Variants in STEAP1 observed in about 807,000 individuals in gnomAD.
STEAP1 encodes STEAP1 protein.
A neutral mutation model predicts 34.4 loss-of-function variants in STEAP1; 30 were observed. That is an observed-to-expected ratio of 0.87 (90% confidence interval 0.65 to 1.18). The LOEUF (loss-of-function observed/expected upper bound fraction) is 1.18, where lower values mean the gene tolerates loss of function less well. Among genes scored for constraint, STEAP1 ranks in the 50% most tolerant of loss-of-function variants. The pLI, the probability that STEAP1 is intolerant of heterozygous loss-of-function variation, is 0.00. For synonymous variants in STEAP1, 116 were observed against 135.3 expected (o/e 0.86, Z 0.99); for missense variants, 318 against 391.1 (o/e 0.81, Z 1.58).
At chr7:90,159,921 C>A in intron 2 of STEAP1, 49 bp downstream of exon 2, 1 of 1,277,914 alleles carries the variant, frequency 7.8e-7, no homozygotes, top group Non-Finnish European at 1.0e-6. Context: ...CATCTTTAAA[C>A]ATAATTCAGA....
intron 4 of STEAP1, chr7:90,162,995 G>A (rs1471792962): frequency 1.7e-5 from 7 of 414,042 alleles, no homozygotes; most frequent in African/African-American, 1.2e-4. Flanking sequence ...GAAGAGTGAT[G>A]TGCCAGAATC....
chr7:90,156,952 C>G (rs1794125931), intron 1 of STEAP1, among the ~76,000 whole-genome samples: 1 of 152,030 alleles, frequency 6.6e-6, no homozygotes, highest in South Asian at 2.1e-4. Context: ...TATAGCAGTG[C>G]GAGAACAGCG....
rs188756666 is a variant in STEAP1 at position 90,160,781 on chromosome 7, A to G, written c.85-24A>G. On this transcript the variant is annotated intron_variant, in intron 2 of 4. Coordinates refer to ENST00000297205, the MANE Select transcript of STEAP1 (RefSeq NM_012449.3). ...TCCCATTGTTTTGTTCAATTTTAAG[A>G]TGTTAATTTTCTTTCCTTTGTAGCA... 1.1e-3 allele frequency: 1,732 copies of G among 1,597,378 alleles called. 10 individuals are homozygous for G. The Admixed American group carries it at 0.016, about 15-fold the overall frequency.
chr7:90,162,299 G>GTTTT (rs753176067), intron 4 of STEAP1: 13 of 525,504 alleles, frequency 2.5e-5, no homozygotes, highest in Non-Finnish European at 2.7e-5. Context: ...AATATTCTTT[G>GTTTT]TTTTTTTTTT....
chr7:90,158,015 C>T (rs908480698), intron 1 of STEAP1, among the ~76,000 whole-genome samples: 4 of 152,206 alleles, frequency 2.6e-5, no homozygotes, highest in Non-Finnish European at 4.4e-5. Context: ...GTGCTGAATA[C>T]TGTGGGCAGT....
At chr7:90,162,849 G>T in intron 4 of STEAP1, 1 of 215,640 alleles carries the variant, frequency 4.6e-6, no homozygotes. Context: ...AGATATTCTA[G>T]TGTCTCATTT....
chr7:90,154,671 G>A (rs1430482207), intron 1 of STEAP1, 128 bp downstream of exon 1: 1 of 152,428 alleles, frequency 6.6e-6, no homozygotes, highest in Non-Finnish European at 1.5e-5. Flanking sequence ...TCGTGACCTG[G>A]ACAGCGGCCC....
At chr7:90,161,481 C>CA (rs1464183329) in intron 3 of STEAP1, among the ~76,000 whole-genome samples, 164 bp downstream of exon 3, 1 of 152,124 alleles carries the variant, frequency 6.6e-6, no homozygotes, top group East Asian at 1.9e-4. Context: ...GCTTGGTTGT[C>CA]AGTCGGTTTT....
chr7:90,154,769 G>T (rs1427960708), intron 1 of STEAP1, among the ~76,000 whole-genome samples: 1 of 152,232 alleles, frequency 6.6e-6, no homozygotes, highest in African/African-American at 2.4e-5. Flanking sequence ...GCCGGGCCGG[G>T]GGTTGGGGAG....
chr7:90,162,707 G>T (rs1022040103), intron 4 of STEAP1, among the ~76,000 whole-genome samples: 6 of 151,992 alleles, frequency 3.9e-5, no homozygotes, highest in Admixed American at 2.0e-4. Flanking sequence ...AATATGCATG[G>T]TTTATTATTT....
intron 4 of STEAP1, chr7:90,162,306 TTTTTTGTTTGTTTG>T: frequency 5.1e-5 from 35 of 688,026 alleles, no homozygotes; most frequent in South Asian, 8.9e-5. Flanking sequence ...TTTGTTTTTT[TTTTTTGTTTGTTTG>T]TTTTTTGTTT....
At position 90,164,457 on chromosome 7, in the gene STEAP1, A is replaced by G. The variant is rs1206317726; in HGVS notation, c.763-20A>G. Reference sequence around the variant, plus strand: ...ACTCTTATTGAACCAATCTTCACCAATTTTGTTTTTCTTTTGCAGAGCAAG... The same window carrying G: ...ACTCTTATTGAACCAATCTTCACCAGTTTTGTTTTTCTTTTGCAGAGCAAG... On this transcript the variant is annotated intron_variant, in intron 4 of 4. Coordinates refer to ENST00000297205, the MANE Select transcript of STEAP1 (RefSeq NM_012449.3). The G allele has an allele frequency of 6.3e-7, 1 of 1,587,478 alleles. No homozygotes were observed. Among genetic ancestry groups the G allele is most frequent in the Non-Finnish European group, 8.6e-7 (1 of 1,166,306 alleles).
intron 2 of STEAP1, among the ~76,000 whole-genome samples, chr7:90,160,141 C>T (rs547351899): frequency 1.1e-4 from 17 of 151,964 alleles, no homozygotes; most frequent in East Asian, 3.9e-4. Context: ...CCATGAAAGC[C>T]TTGGACCAGA....
chr7:90,159,941 G>C (rs1002591534), intron 2 of STEAP1, 69 bp downstream of exon 2: 8 of 1,101,462 alleles, frequency 7.3e-6, no homozygotes, highest in African/African-American at 4.9e-5. Context: ...ATGCCATTCT[G>C]TATCTCCTAG....
intron 1 of STEAP1, among the ~76,000 whole-genome samples, chr7:90,158,623 C>T (rs1390133104): frequency 6.6e-6 from 1 of 152,178 alleles, no homozygotes; most frequent in Non-Finnish European, 1.5e-5. Context: ...TCTATGATAA[C>T]AATGCCTTCT....
At chr7:90,162,357 C>A (rs1794198208) in intron 4 of STEAP1, 1 of 367,488 alleles carries the variant, frequency 2.7e-6, no homozygotes, top group African/African-American at 2.2e-5. Flanking sequence ...GAGATGAAGT[C>A]TCGCTCTGTT....
chr7:90,156,207 C>A (rs1409768350), intron 1 of STEAP1, among the ~76,000 whole-genome samples: 1 of 152,166 alleles, frequency 6.6e-6, no homozygotes, highest in Non-Finnish European at 1.5e-5. Context: ...TGAATTATTT[C>A]TTACATTTGA....
intron 4 of STEAP1, 26 bp downstream of exon 4, chr7:90,162,104 A>C (rs1168137375): frequency 6.4e-7 from 1 of 1,564,944 alleles, no homozygotes; most frequent in Non-Finnish European, 8.6e-7. Flanking sequence ...AATAACCCTA[A>C]GAGGTAAATC....
intron 1 of STEAP1, among the ~76,000 whole-genome samples, chr7:90,155,812 G>A (rs1340453368): frequency 1.3e-5 from 2 of 152,084 alleles, no homozygotes; most frequent in African/African-American, 4.8e-5. Flanking sequence ...ACTCTCCAGG[G>A]CCACTCTGGT....
Sources: allele counts gnomAD v4.1 joint callset (sites outside exome capture counted in the v4.1 genomes callset), GRCh38; gene constraint gnomAD v4.1.1; transcripts MANE v1.5; gene names NCBI Gene and HGNC (gene_info 2026-07-23, HGNC 2026-07-21).